ALG9: variants seen among roughly 807,000 people sequenced by gnomAD.
ALG9 encodes ALG9 alpha-1,2-mannosyltransferase.
Under a neutral mutation model 81.8 loss-of-function variants are expected in ALG9, and 55 were observed. The observed-to-expected ratio is 0.67, with a 90% CI of 0.54 to 0.84. ALG9 has a LOEUF of 0.84. ALG9 is among the 40% of genes least tolerant of loss of function. ALG9 has a pLI of 0.00. For synonymous variants in ALG9, 278 were observed against 274.3 expected (o/e 1.01, Z -0.13); for missense variants, 629 against 745.0 (o/e 0.84, Z 1.81).
chr11:111,845,207 G>C, intron 8 of ALG9: 1 of 176,356 alleles, frequency 5.7e-6, no homozygotes, highest in Non-Finnish European at 1.2e-5. Context: ...GGAAGGCTGA[G>C]ATGGGAGGAT....
chr11:111,777,376 T>G (rs1312882376), downstream of ALG9, among the ~76,000 whole-genome samples: 1 of 152,206 alleles, frequency 6.6e-6, no homozygotes, highest in Non-Finnish European at 1.5e-5. Context: ...GCAATGAAGA[T>G]ATTTCAACTT....
At chr11:111,820,916 G>GCA (rs1248215272) in intron 13 of ALG9, among the ~76,000 whole-genome samples, 2 of 102,582 alleles carry the variant, frequency 1.9e-5, no homozygotes, top group Non-Finnish European at 2.0e-5. Context: ...CTCCAAACAC[G>GCA]CGCGCACACA....
intron 14 of ALG9, among the ~76,000 whole-genome samples, chr11:111,804,729 G>A (rs535468970): frequency 2.0e-5 from 3 of 152,190 alleles, no homozygotes; most frequent in Non-Finnish European, 4.4e-5. Flanking sequence ...TCATATTAGC[G>A]AAATGTAAAT....
the ALG9 span, among the ~76,000 whole-genome samples, chr11:111,776,695 G>A: frequency 6.6e-6 from 1 of 152,092 alleles, no homozygotes; most frequent in Non-Finnish European, 1.5e-5. Context: ...CTCAAAGGAG[G>A]GTATCAGGAG....
chr11:111,841,257 G>A (rs1956169379), intron 9 of ALG9, among the ~76,000 whole-genome samples: 1 of 152,174 alleles, frequency 6.6e-6, no homozygotes, highest in African/African-American at 2.4e-5. Flanking sequence ...ACACCAATCA[G>A]TCTGTTCAAA....
At chr11:111,855,253 G>A (rs1449146737) in intron 6 of ALG9, among the ~76,000 whole-genome samples, 3 of 152,162 alleles carry the variant, frequency 2.0e-5, no homozygotes, top group Non-Finnish European at 4.4e-5. Flanking sequence ...CTTTAAAAAC[G>A]TAAAAACTAT....
At chr11:111,828,711 T>G (rs1378885957) in intron 13 of ALG9, 1 of 152,220 alleles carries the variant, frequency 6.6e-6, no homozygotes. Context: ...TGAATGTTGC[T>G]CAAGTCCACC....
intron 4 of ALG9, among the ~76,000 whole-genome samples, 192 bp downstream of exon 4, chr11:111,864,989 C>T (rs1263806679): frequency 6.6e-6 from 1 of 152,130 alleles, no homozygotes; most frequent in Non-Finnish European, 1.5e-5. Flanking sequence ...GTTGGTCAGG[C>T]TGGTCTCAAA....
intron 13 of ALG9, among the ~76,000 whole-genome samples, chr11:111,834,372 C>T (rs939194203): frequency 2.6e-5 from 4 of 152,076 alleles, no homozygotes; most frequent in African/African-American, 9.6e-5. Flanking sequence ...GGATGGGAAA[C>T]AATAAAAAGA....
At chr11:111,869,778 A>G (rs797028678) in intron 2 of ALG9, among the ~76,000 whole-genome samples, 130 of 152,288 alleles carry the variant, frequency 8.5e-4, no homozygotes, top group African/African-American at 3.0e-3. Flanking sequence ...GCTTGAGCCT[A>G]GGAGTTAAAT....
chr11:111,839,127 G>A (rs942189912), intron 10 of ALG9, among the ~76,000 whole-genome samples: 3 of 151,974 alleles, frequency 2.0e-5, no homozygotes, highest in Non-Finnish European at 4.4e-5. Flanking sequence ...CTGAATAAAT[G>A]AGCAACCTAA....
At chr11:111,815,668 A>T (rs574348966) in intron 13 of ALG9, among the ~76,000 whole-genome samples, 1,860 of 152,326 alleles carry the variant, frequency 0.012, 40 homozygotes, top group African/African-American at 0.042. Context: ...AGACTGGCTG[A>T]GTGACTCACA....
At chr11:111,870,396 A>G in intron 1 of ALG9, 26 bp from the exon 2 acceptor site, 2 of 1,521,598 alleles carry the variant, frequency 1.3e-6, no homozygotes, top group Non-Finnish European at 8.8e-7. Flanking sequence ...AAAAAAAAAA[A>G]AAAAAAAAGC....
intron 13 of ALG9, among the ~76,000 whole-genome samples, chr11:111,825,050 C>T (rs983701356): frequency 3.9e-5 from 6 of 152,250 alleles, no homozygotes; most frequent in South Asian, 2.1e-4. Context: ...TAGAAACAAA[C>T]GACAGGAGAA....
Position 111,871,375 on chromosome 11 carries a change from C to G in ALG9, c.108G>C (p.Ala36=). The change falls in exon 1 of 15, where the codon GCG becomes GCC. Residue 36 remains alanine (A), a synonymous_variant. Coordinates refer to ENST00000616540, the MANE Select transcript of ALG9 (RefSeq NM_024740.2). ...KLRELLGSRE[A]GGAEHRTELS... is the part of the protein sequence containing the mutation. ...ACTCGGTCCGGTGCTCCGCGCCGCC[C>G]GCCTCTCGGCTGCCCAGCAGCTCCC... 1 of 1,532,316 alleles carries G rather than the reference C, an allele frequency of 6.5e-7. No homozygotes were observed. The highest frequency in any genetic ancestry group is 8.7e-7 in the Non-Finnish European group (1 of 1,145,298). The allele number at this position is 1,532,316 out of a possible 1,614,324, so 94.9% of individuals were successfully genotyped here. A position where few individuals can be genotyped will look rare whatever the true frequency, so the allele number is the denominator to read the frequency against.
the ALG9 span, among the ~76,000 whole-genome samples, chr11:111,770,679 T>C: frequency 3.9e-5 from 6 of 152,110 alleles, no homozygotes; most frequent in Admixed American, 2.0e-4. Flanking sequence ...AGCCTGGGAA[T>C]AGAGCCAGAC....
At chr11:111,863,373 ATT>A (rs1961045732) in intron 4 of ALG9, among the ~76,000 whole-genome samples, 1 of 152,126 alleles carries the variant, frequency 6.6e-6, no homozygotes, top group Admixed American at 6.5e-5. Flanking sequence ...AATAAAATAT[ATT>A]AAAGTAAATT....
intron 14 of ALG9, among the ~76,000 whole-genome samples, chr11:111,795,351 T>C (rs45531133): frequency 1.1e-4 from 17 of 152,008 alleles, no homozygotes; most frequent in Non-Finnish European, 1.9e-4. Flanking sequence ...AGCCATTACG[T>C]GGGGCAGAGC....
chr11:111,846,223 C>T (rs1208037273), intron 8 of ALG9, among the ~76,000 whole-genome samples: 1 of 152,136 alleles, frequency 6.6e-6, no homozygotes, highest in Non-Finnish European at 1.5e-5. Context: ...ACCACCAGTG[C>T]GGAAGCAGGG....
Sources: allele counts gnomAD v4.1 joint callset (sites outside exome capture counted in the v4.1 genomes callset), GRCh38; gene constraint gnomAD v4.1.1; transcripts MANE v1.5; gene names NCBI Gene and HGNC (gene_info 2026-07-23, HGNC 2026-07-21).